The following SLF2 variants were observed in gnomAD, a reference collection of about 807,000 sequenced individuals.
SLF2 encodes SMC5-SMC6 complex localization factor protein 2.
A neutral mutation model predicts 124.3 loss-of-function variants in SLF2; 68 were observed. The ratio of observed to expected loss-of-function variants is 0.55; its 90% CI spans 0.45 to 0.67. The LOEUF (loss-of-function observed/expected upper bound fraction) is 0.67, where lower values mean the gene tolerates loss of function less well. SLF2 is among the 30% of genes least tolerant of loss of function. The pLI, the probability that SLF2 is intolerant of heterozygous loss-of-function variation, is 0.00. For synonymous variants in SLF2, 480 were observed against 478.8 expected, an observed-to-expected ratio of 1.00 and a Z score of -0.03; for missense variants, 1,246 against 1,373.7, an observed-to-expected ratio of 0.91 and a Z score of 1.47.
In SLF2 at chr10:100,913,158, A is replaced by C; in HGVS notation, c.48A>C (p.Pro16=). 6.2e-7 allele frequency: 1 copy of C among 1,611,310 alleles called. No individual in the cohort carries two copies. The highest frequency in any genetic ancestry group is 8.5e-7 in the Non-Finnish European group (1 of 1,178,980). ...MPARPGFPSS[P]APGSSPPRCH... ...CTAGGCCAGGTTTCCCCTCATCCCC[A>C]GCCCCGGGGTCGTCGCCCCCGCGCT... The change falls in exon 1 of 20, where the codon CCA becomes CCC. Residue 16 remains proline (P), a synonymous_variant. Transcript: ENST00000238961.
intron 4 of SLF2, 120 bp downstream of exon 4, chr10:100,918,561 TATTA>T: frequency 1.6e-6 from 1 of 632,346 alleles, no homozygotes; most frequent in Non-Finnish European, 2.7e-6. Flanking sequence ...AAGTGTCTCA[TATTA>T]ATTAAGAGTT....
intron 6 of SLF2, among the ~76,000 whole-genome samples, chr10:100,928,042 CCCCCACA>C (rs1192210404): frequency 9.3e-5 from 4 of 43,172 alleles, no homozygotes; most frequent in African/African-American, 2.3e-4. Flanking sequence ...CCCCCCCCCC[CCCCCACA>C]CACACACACA....
intron 12 of SLF2, 130 bp downstream of exon 12, chr10:100,944,258 G>T (rs1850045596): frequency 3.9e-6 from 2 of 519,388 alleles, no homozygotes; most frequent in South Asian, 3.0e-5. Context: ...CACTTTGGGA[G>T]GCCAGGGCGG....
chr10:100,932,450 T>C (rs1183507661), intron 9 of SLF2, among the ~76,000 whole-genome samples: 1 of 152,186 alleles, frequency 6.6e-6, no homozygotes, highest in Non-Finnish European at 1.5e-5. Flanking sequence ...ACAGCTATTA[T>C]ATATAAAGTG....
At chr10:100,957,330 A>T (rs1292571402) in intron 18 of SLF2, among the ~76,000 whole-genome samples, 8 of 91,830 alleles carry the variant, frequency 8.7e-5, no homozygotes, top group Non-Finnish European at 1.2e-4. Context: ...GGAGTCTTCA[A>T]TTTTTTTTTT....
intron 18 of SLF2, 111 bp downstream of exon 18, chr10:100,956,648 G>T (rs999335911): frequency 8.1e-6 from 6 of 737,056 alleles, no homozygotes; most frequent in South Asian, 6.3e-5. Context: ...TATAAGGCTA[G>T]GCATGGTGGC....
chr10:100,944,175 T>C (rs759834508), intron 12 of SLF2, 47 bp downstream of exon 12: 2 of 1,272,188 alleles, frequency 1.6e-6, no homozygotes, highest in South Asian at 2.7e-5. Flanking sequence ...TAGAACCATT[T>C]AGTCTGTGGT....
rs929611407 is a variant in SLF2, at chr10:100,927,902, T to A, written c.2043-1415T>A. ...CATTTGTTATACAAATGGAGAAATGTCTTTTCAGATTCTTTGCCTGTTTTT... is the reference window on the plus strand; with the variant it reads ...CATTTGTTATACAAATGGAGAAATGACTTTTCAGATTCTTTGCCTGTTTTT... On this transcript the variant is annotated intron_variant, in intron 6 of 19. Coordinates refer to ENST00000238961, the MANE Select transcript of SLF2 (RefSeq NM_018121.4). Among the ~76,000 whole-genome samples the A allele has an allele frequency of 2.0e-5, 3 of 152,254 alleles. No individual in the cohort carries two copies. The East Asian group carries it at 5.8e-4, about 29-fold the overall frequency.
At chr10:100,940,785 TCCTGCC>T (rs912996223) in intron 11 of SLF2, among the ~76,000 whole-genome samples, 2 of 86,406 alleles carry the variant, frequency 2.3e-5, no homozygotes, top group African/African-American at 8.7e-5. Flanking sequence ...CTGCCCCTGC[TCCTGCC>T]CCTGCCCCTC....
chr10:100,929,781 T>C (rs186704758), intron 7 of SLF2, 49 bp from the exon 8 acceptor site: 1 of 1,410,742 alleles, frequency 7.1e-7, no homozygotes, highest in African/African-American at 1.4e-5. Context: ...AATACAAAAC[T>C]ATATGTAGTG....
Position 100,924,336 on chromosome 10 carries a change from G to A in SLF2, c.1335G>A (p.Gln445=), listed in dbSNP as rs370151789. Residue 445 remains glutamine, a synonymous_variant, in exon 5 of 20, where the codon CAG becomes CAA. Coordinates refer to ENST00000238961, the MANE Select transcript of SLF2 (RefSeq NM_018121.4). The part of the protein sequence containing the change: ...KMQKPHLPLS[Q]EKSAIKKASN... ...AGAAACCCCACTTACCTTTATCTCA[G>A]GAAAAGTCTGCAATTAAAAAAGCTA... 4.0e-4 allele frequency: 641 copies of A among 1,613,710 alleles called. No individual in the cohort carries two copies. Among genetic ancestry groups the A allele is most frequent in the Non-Finnish European group, 5.2e-4 (612 of 1,179,954 alleles).
At chr10:100,940,980 A>G (rs750183589) in intron 11 of SLF2, among the ~76,000 whole-genome samples, 45 of 150,780 alleles carry the variant, frequency 3.0e-4, no homozygotes, top group Non-Finnish European at 5.3e-4. Flanking sequence ...GGGATTACAG[A>G]CACACGCCAC....
chr10:100,922,191 A>C (rs1589944418), intron 4 of SLF2, among the ~76,000 whole-genome samples: 1 of 152,092 alleles, frequency 6.6e-6, no homozygotes. Context: ...CAGTCCTCCC[A>C]CCTGAGCCTC....
Position 100,962,060 on chromosome 10 carries a change from A to ATTTCTTCATTACCAGC in SLF2, c.*149_*150insTTCTTCATTACCAGCT. 1 of 675,368 alleles carries ATTTCTTCATTACCAGC rather than the reference A, an allele frequency of 1.5e-6. No individual in the cohort carries two copies. The highest frequency in any genetic ancestry group is 2.4e-6 in the Non-Finnish European group (1 of 420,148). 41.8% of individuals were successfully genotyped at this position (675,368 alleles called of 1,614,324 possible). On this transcript the variant is annotated 3_prime_UTR_variant, in exon 20 of 20. Transcript: ENST00000238961. ...TTGAATATCTAGTATGAAGCTGGTA[A>ATTTCTTCATTACCAGC]TGAAGAAATTGCCATTTCTGAAGCA...
chr10:100,949,968 G>T, intron 15 of SLF2, 108 bp from the exon 16 acceptor site: 1 of 1,080,618 alleles, frequency 9.3e-7, no homozygotes, highest in South Asian at 2.3e-5. Context: ...TGTAAAGAAA[G>T]CTATAATAAA....
At chr10:100,942,583 A>G (rs976635348) in intron 11 of SLF2, among the ~76,000 whole-genome samples, 2 of 151,792 alleles carry the variant, frequency 1.3e-5, no homozygotes, top group Non-Finnish European at 1.5e-5. Context: ...CAGTGGTGTG[A>G]TCTCAGCTCA....
At chr10:100,938,566 A>C (rs1384956901) in intron 10 of SLF2, 29 bp from the exon 11 acceptor site, 5 of 1,592,396 alleles carry the variant, frequency 3.1e-6, no homozygotes, top group Non-Finnish European at 1.7e-6. Flanking sequence ...CCACAGATTT[A>C]GAATGAAATG....
chr10:100,943,945 T>C (rs1828785400), intron 11 of SLF2, 81 bp from the exon 12 acceptor site: 2 of 859,310 alleles, frequency 2.3e-6, no homozygotes, highest in South Asian at 1.9e-5. Context: ...AACATAGTTT[T>C]TAAAAAGTAG....
chr10:100,937,459 G>A lies in SLF2; in HGVS notation c.2494G>A (p.Glu832Lys). ...AGTGCAGATTTTAAGTACATTGATG[G>A]AAATAACAATTAGAAATGGTAAGTA... is the stretch of plus-strand genomic sequence containing the variant. ...VSVQILSTLM[E>K]ITIRNDTFSD... The change falls in exon 10 of 20, where the codon GAA (glutamate) becomes AAA (lysine). Residue 832 changes from glutamate to lysine, a missense_variant. Glu to Lys is a moderately conservative substitution (Grantham distance 56). Transcript: ENST00000238961. 1 of 1,597,452 alleles carries A rather than the reference G, an allele frequency of 6.3e-7. No homozygotes were observed. Among genetic ancestry groups the A allele is most frequent in the Non-Finnish European group, 8.6e-7 (1 of 1,164,952 alleles).
Sources: allele counts gnomAD v4.1 joint callset (sites outside exome capture counted in the v4.1 genomes callset), GRCh38; gene constraint gnomAD v4.1.1; transcripts MANE v1.5; gene names NCBI Gene and HGNC (gene_info 2026-07-23, HGNC 2026-07-21).